Variants in CELF1 observed in about 807,000 individuals in gnomAD.
The protein encoded by CELF1 is CUGBP Elav-like family member 1, also known as 50 kDa nuclear polyadenylated RNA-binding protein.
Under a neutral mutation model 61.8 loss-of-function variants are expected in CELF1, and 10 were observed. The ratio of observed to expected loss-of-function variants is 0.16; its 90% CI spans 0.10 to 0.27. CELF1 has a LOEUF of 0.27. Ranked by LOEUF, CELF1 falls within the 10% of genes least tolerant of loss-of-function variation. The pLI, the probability that CELF1 is intolerant of heterozygous loss-of-function variation, is 1.00. For synonymous variants in CELF1, 236 were observed against 225.1 expected (o/e 1.05, Z -0.43); for missense variants, 380 against 639.1 (o/e 0.59, Z 4.37).
At chr11:47,548,806 C>A (rs1033764845) in intron 1 of CELF1, among the ~76,000 whole-genome samples, 1 of 139,858 alleles carries the variant, frequency 7.2e-6, no homozygotes, top group South Asian at 2.2e-4. Context: ...GCGGAAGTTG[C>A]AGTGAGCAGA....
At position 47,494,957 on chromosome 11, in the gene CELF1, AC is replaced by A. The variant is rs2092784186; in HGVS notation, c.71+4495del. On this transcript the variant is annotated intron_variant, in intron 3 of 14. Coordinates refer to ENST00000687097, the MANE Select transcript of CELF1 (RefSeq NM_001376376.1). ...GTAAAGACAGGGGTCTTGCTGTGAA[AC>A]CCAGGCTGGTCTCGAACTCCTGGCC... Among the ~76,000 whole-genome samples the A allele has an allele frequency of 2.6e-5, 4 of 152,118 alleles. No homozygotes were observed. In the South Asian group the frequency reaches 8.3e-4, roughly 32 times the overall value.
intron 13 of CELF1, among the ~76,000 whole-genome samples, chr11:47,473,835 T>C (rs549964295): frequency 6.6e-6 from 1 of 152,336 alleles, no homozygotes; most frequent in Non-Finnish European, 1.5e-5. Flanking sequence ...AATGCACCCA[T>C]GATTAACACT....
chr11:47,507,128 T>C (rs2094568422), intron 1 of CELF1, among the ~76,000 whole-genome samples: 1 of 152,174 alleles, frequency 6.6e-6, no homozygotes, highest in Admixed American at 6.5e-5. Flanking sequence ...GGAAGTAAAA[T>C]ACTAAAAGGT....
chr11:47,561,025 C>T (rs150869558), intron 2 of CELF1, among the ~76,000 whole-genome samples: 6,146 of 150,390 alleles, frequency 0.041, 412 homozygotes, highest in African/African-American at 0.14. Context: ...GTAGTCCCAG[C>T]TACTTGAGAG....
Position 47,465,971 on chromosome 11 carries a change from G to C in CELF1, c.*6259C>G, listed in dbSNP as rs1204312512. ...AACAGTTTAATAGCAAATAAACAAA[G>C]GAAGGTACCACACTTGGCAGATACA... On this transcript the variant is annotated 3_prime_UTR_variant, in exon 15 of 15. Transcript: ENST00000687097. 1.3e-5 allele frequency: 2 copies of C among 152,098 alleles called. No homozygotes were observed. Among genetic ancestry groups the C allele is most frequent in the Non-Finnish European group, 2.9e-5 (2 of 68,014 alleles). The allele number at this position is 152,098 out of a possible 1,614,324, so 9.4% of individuals were successfully genotyped here.
chr11:47,562,379 C>T (rs1430928465), intron 2 of CELF1, among the ~76,000 whole-genome samples: 1 of 151,018 alleles, frequency 6.6e-6, no homozygotes, highest in African/African-American at 2.4e-5. Context: ...TACAAAAATT[C>T]GCCACCAGGT....
chr11:47,487,206 C>T lies in CELF1; in HGVS notation c.295G>A (p.Ala99Thr). Residue 99 changes from alanine to threonine, a missense_variant, in exon 5 of 15, where the codon GCA becomes ACA. Transcript: ENST00000687097. ...TGAAGAGCATTCTGAGCTTCTAATGCAGCTTTACGGGTGTAAAATGTAACA... is the reference window on the plus strand; with the variant it reads ...TGAAGAGCATTCTGAGCTTCTAATGTAGCTTTACGGGTGTAAAATGTAACA... ...CFVTFYTRKA[A>T]LEAQNALHNM... 6.2e-7 allele frequency: 1 copy of T among 1,612,674 alleles called. No individual in the cohort carries two copies. Among genetic ancestry groups the T allele is most frequent in the East Asian group, 2.2e-5 (1 of 44,858 alleles).
intron 2 of CELF1, among the ~76,000 whole-genome samples, chr11:47,558,888 T>C (rs939957701): frequency 1.5e-5 from 2 of 134,046 alleles, no homozygotes; most frequent in Non-Finnish European, 3.1e-5. Flanking sequence ...TAATATATAA[T>C]TGTAGTCCCA....
intron 1 of CELF1, among the ~76,000 whole-genome samples, chr11:47,504,776 C>T (rs2094332101): frequency 6.7e-6 from 1 of 150,344 alleles, no homozygotes; most frequent in Non-Finnish European, 1.5e-5. Flanking sequence ...GTGGCAGGTG[C>T]CTGTAGTCCC....
chr11:47,561,637 G>A (rs925312800), intron 2 of CELF1, among the ~76,000 whole-genome samples: 1 of 152,104 alleles, frequency 6.6e-6, no homozygotes, highest in Non-Finnish European at 1.5e-5. Flanking sequence ...GTTAAACACT[G>A]TACTACCCTA....
chr11:47,489,935 G>GTTTTTTTTTTTTTTGTTTT (rs1555170255), intron 3 of CELF1, among the ~76,000 whole-genome samples: 2 of 48,226 alleles, frequency 4.1e-5, no homozygotes, highest in South Asian at 9.8e-4. Flanking sequence ...ATACCATCTT[G>GTTTTTTTTTTTTTTGTTTT]TTTTTTTTTT....
At chr11:47,478,306 T>C (rs1158666574) in intron 10 of CELF1, among the ~76,000 whole-genome samples, 1 of 152,230 alleles carries the variant, frequency 6.6e-6, no homozygotes, top group Non-Finnish European at 1.5e-5. Flanking sequence ...ACAGGCAGCT[T>C]TGAAGCTGTC....
At position 47,487,195 on chromosome 11, in the gene CELF1, A is replaced by G. The variant is rs2087922248; in HGVS notation, c.306T>C (p.Ala102=). 1 of 1,612,750 alleles carries G rather than the reference A, an allele frequency of 6.2e-7. No homozygotes were observed. The highest frequency in any genetic ancestry group is 8.5e-7 in the Non-Finnish European group (1 of 1,179,878). Residue 102 remains alanine (A), a synonymous_variant, in exon 5 of 15, where the codon GCT becomes GCC. Transcript: ENST00000687097. ...CTTTCATGTTGTGAAGAGCATTCTG[A>G]GCTTCTAATGCAGCTTTACGGGTGT... ...TFYTRKAALE[A]QNALHNMKVL...
chr11:47,547,248 G>A (rs563340161), intron 1 of CELF1, among the ~76,000 whole-genome samples: 5 of 152,138 alleles, frequency 3.3e-5, no homozygotes, highest in South Asian at 2.1e-4. Context: ...GTCAGTGGAC[G>A]TCTCTCTGTG....
chr11:47,527,332 A>G (rs1369101280), intron 1 of CELF1, among the ~76,000 whole-genome samples: 1 of 151,828 alleles, frequency 6.6e-6, no homozygotes, highest in Non-Finnish European at 1.5e-5. Context: ...TCAAGACTGC[A>G]GTTAGCCGTG....
At position 47,479,076 on chromosome 11, in the gene CELF1, A is replaced by G. The variant is rs1218679479; in HGVS notation, c.769-124T>C. 6 of 708,478 alleles carry G rather than the reference A, an allele frequency of 8.5e-6. No homozygotes were observed. The East Asian group carries it at 1.8e-4, about 21-fold the overall frequency. The allele number at this position is 708,478 out of a possible 1,614,324, so 43.9% of individuals were successfully genotyped here. A position where few individuals can be genotyped will look rare whatever the true frequency, so the allele number is the denominator to read the frequency against. On this transcript the variant is annotated intron_variant, in intron 9 of 14. Transcript: ENST00000687097. ...CCCAGAGAGAAGAAAGTCAAAGACA[A>G]GAACCCAAGCCAACACAACAGAAAC...
intron 1 of CELF1, among the ~76,000 whole-genome samples, chr11:47,530,630 A>G (rs1300844605): frequency 6.6e-6 from 1 of 152,212 alleles, no homozygotes; most frequent in Non-Finnish European, 1.5e-5. Flanking sequence ...GCTGTGAGAC[A>G]TGAAAACTGG....
chr11:47,481,537 GAAT>G (rs1667398457), intron 9 of CELF1, among the ~76,000 whole-genome samples: 1 of 152,140 alleles, frequency 6.6e-6, no homozygotes, highest in African/African-American at 2.4e-5. Flanking sequence ...TTTCCATACA[GAAT>G]AATACTTGAA....
chr11:47,524,464 C>T (rs1255888408), intron 1 of CELF1: 2 of 152,222 alleles, frequency 1.3e-5, no homozygotes, highest in Admixed American at 1.3e-4. Flanking sequence ...CTGAAGCATT[C>T]TCTACAATTT....
Sources: gnomAD v4.1 joint callset for allele counts (sites outside exome capture counted in the v4.1 genomes callset) on GRCh38, gnomAD v4.1.1 for gene constraint, MANE v1.5 for transcripts, NCBI Gene and HGNC (gene_info 2026-07-23, HGNC 2026-07-21) for gene names.